Variants in REPS2 observed in about 807,000 individuals in gnomAD.
REPS2 encodes the protein RALBP1 associated Eps domain containing 2, also known as ralBP1-associated Eps domain-containing protein 2.
Under a neutral mutation model 53.6 loss-of-function variants are expected in REPS2, and 23 were observed. The observed-to-expected ratio is 0.43, with a 90% CI of 0.31 to 0.61. The LOEUF (loss-of-function observed/expected upper bound fraction) is 0.61, where lower values mean the gene tolerates loss of function less well. REPS2 is among the 20% of genes least tolerant of loss of function. REPS2 has a pLI of 0.11. For synonymous variants in REPS2, 238 were observed against 218.6 expected (o/e 1.09, Z -0.78); for missense variants, 446 against 534.9 (o/e 0.83, Z 1.64).
chrX:17,111,440 G>A (rs189222593), intron 14 of REPS2, among the ~76,000 whole-genome samples: 76 of 112,460 alleles, frequency 6.8e-4, no homozygotes, highest in African/African-American at 2.4e-3. Flanking sequence ...TTATTCCAAA[G>A]TGAATTTATA....
chrX:16,985,511 T>A (rs1253017429), intron 1 of REPS2, among the ~76,000 whole-genome samples: 4 of 112,548 alleles, frequency 3.6e-5, no homozygotes, highest in African/African-American at 1.3e-4. Context: ...TACACAGGGA[T>A]AGCTTTTCCT....
At chrX:17,096,115 C>T (rs190898465) in intron 13 of REPS2, among the ~76,000 whole-genome samples, 66 of 112,077 alleles carry the variant, frequency 5.9e-4, no homozygotes, top group African/African-American at 2.0e-3. Flanking sequence ...GAATTTTACA[C>T]AGTATCAAGC....
At chrX:17,176,980 G>T in the REPS2 span, among the ~76,000 whole-genome samples, 1 of 112,139 alleles carries the variant, frequency 8.9e-6, no homozygotes, top group Non-Finnish European at 1.9e-5. Context: ...TTCTTCCTTA[G>T]CTCTGCTGGC....
At chrX:17,137,884 C>G (rs992758571) in intron 16 of REPS2, 1 of 112,599 alleles carries the variant, frequency 8.9e-6, no homozygotes, top group Non-Finnish European at 1.9e-5. Context: ...GCTGGGATTA[C>G]AGGCCTGAGC....
chrX:17,185,530 A>T, the REPS2 span, among the ~76,000 whole-genome samples: 295 of 111,746 alleles, frequency 2.6e-3, 1 homozygote, highest in Non-Finnish European at 4.4e-3. Flanking sequence ...TATGGCTCAA[A>T]AGCCCAGAAC....
chrX:17,038,190 G>T (rs1375801638), intron 5 of REPS2, among the ~76,000 whole-genome samples: 1 of 112,408 alleles, frequency 8.9e-6, no homozygotes, highest in African/African-American at 3.2e-5. Context: ...TATGCATGTG[G>T]AATTAAAAAC....
intron 2 of REPS2, among the ~76,000 whole-genome samples, chrX:17,007,108 T>C (rs1337119447): frequency 8.9e-6 from 1 of 112,222 alleles, no homozygotes; most frequent in Non-Finnish European, 1.9e-5. Flanking sequence ...TTTCTTTTTC[T>C]CATTCTGAGA....
chrX:16,990,382 G>C (rs771522395), intron 1 of REPS2, among the ~76,000 whole-genome samples: 2 of 111,083 alleles, frequency 1.8e-5, no homozygotes, highest in African/African-American at 3.3e-5. Flanking sequence ...GGCCGAGGCG[G>C]GTGAATTGCT....
chrX:17,067,183 A>G (rs1054940216), intron 9 of REPS2, among the ~76,000 whole-genome samples: 2 of 112,231 alleles, frequency 1.8e-5, no homozygotes, highest in Middle Eastern at 4.6e-3. Flanking sequence ...TCACCTTTCA[A>G]TTCTTACATA....
At chrX:17,123,067 A>G (rs112382119) in intron 14 of REPS2, among the ~76,000 whole-genome samples, 2,789 of 112,045 alleles carry the variant, frequency 0.025, 92 homozygotes, top group African/African-American at 0.087. Context: ...CAACAGAAAG[A>G]ATTTCTAAAG....
rs1207801675 is a variant in REPS2 at position 17,152,757 on chromosome X, A to G, written c.*5276A>G. 3 of 112,004 alleles carry G rather than the reference A, an allele frequency of 2.7e-5. No individual in the cohort carries two copies. The highest frequency in any genetic ancestry group is 5.6e-5 in the Non-Finnish European group (3 of 53,174). 9.2% of individuals were successfully genotyped at this position (112,004 alleles called of 1,213,427 possible). ...TTGTGCGAGAACCTCAACCGCACCT[A>G]TCTTGGGAACCGGGTATACCCTTTT... is the stretch of plus-strand genomic sequence containing the variant. On this transcript the variant is annotated 3_prime_UTR_variant, in exon 18 of 18. Coordinates refer to ENST00000357277, the MANE Select transcript of REPS2 (RefSeq NM_004726.3).
intron 5 of REPS2, among the ~76,000 whole-genome samples, chrX:17,033,511 A>G (rs1236415017): frequency 9.0e-6 from 1 of 111,518 alleles, no homozygotes; most frequent in Non-Finnish European, 1.9e-5. Context: ...CCACCCACCC[A>G]TCAGCACAGG....
chrX:17,015,118 C>A (rs2061474135), intron 2 of REPS2, among the ~76,000 whole-genome samples: 1 of 113,014 alleles, frequency 8.8e-6, no homozygotes, highest in South Asian at 3.6e-4. Context: ...AGCACAAAAT[C>A]AGGGAATCCC....
chrX:17,030,306 CAAA>C (rs1195221355), intron 5 of REPS2, among the ~76,000 whole-genome samples: 1 of 81,458 alleles, frequency 1.2e-5, no homozygotes, highest in Non-Finnish European at 2.4e-5. Flanking sequence ...GTTATATTCT[CAAA>C]GAAGGGTGTG....
intron 1 of REPS2, among the ~76,000 whole-genome samples, chrX:16,958,124 A>G (rs1193296268): frequency 2.7e-5 from 3 of 111,669 alleles, no homozygotes; most frequent in Admixed American, 9.6e-5. Flanking sequence ...CATAATATAT[A>G]TGGGTTGAAT....
chrX:16,980,733 T>C (rs2061011048), intron 1 of REPS2, among the ~76,000 whole-genome samples: 1 of 112,493 alleles, frequency 8.9e-6, no homozygotes, highest in African/African-American at 3.2e-5. Context: ...ATTTTATTTT[T>C]GCACTTAAAA....
At chrX:16,985,084 A>G (rs1040012919) in intron 1 of REPS2, among the ~76,000 whole-genome samples, 5 of 111,738 alleles carry the variant, frequency 4.5e-5, no homozygotes, top group African/African-American at 1.6e-4. Context: ...GGCTCAGTTT[A>G]TACAAATTAA....
chrX:17,024,584 A>G (rs1033084097), intron 3 of REPS2, among the ~76,000 whole-genome samples: 4 of 109,413 alleles, frequency 3.7e-5, no homozygotes, highest in African/African-American at 1.3e-4. Flanking sequence ...CTAGCATTTT[A>G]CTTTGACATG....
intron 9 of REPS2, among the ~76,000 whole-genome samples, chrX:17,065,734 G>A (rs947526313): frequency 9.0e-6 from 1 of 111,013 alleles, no homozygotes; most frequent in Admixed American, 9.6e-5. Context: ...CTACAGGTGC[G>A]TGCCACCAAG....
Sources: allele counts gnomAD v4.1 joint callset (sites outside exome capture counted in the v4.1 genomes callset), GRCh38; gene constraint gnomAD v4.1.1; transcripts MANE v1.5; gene names NCBI Gene and HGNC (gene_info 2026-07-23, HGNC 2026-07-21).